The following GTPBP1 variants were observed in gnomAD, a reference collection of about 807,000 sequenced individuals.
The protein encoded by GTPBP1 is GTP-binding protein 1.
Under a neutral mutation model 62.0 loss-of-function variants are expected in GTPBP1, and 23 were observed. The observed-to-expected ratio is 0.37, with a 90% confidence interval of 0.27 to 0.53. The LOEUF is 0.53. Among genes scored for constraint, GTPBP1 ranks in the 20% least tolerant of loss-of-function variants. The pLI is 0.89. For synonymous variants in GTPBP1, 344 were observed against 364.4 expected, an observed-to-expected ratio of 0.94 and a Z score of 0.64; for missense variants, 640 against 917.3, an observed-to-expected ratio of 0.70 and a Z score of 3.90.
chr22:38,737,263 G>A (rs1299892456), downstream of GTPBP1, among the ~76,000 whole-genome samples: 2 of 152,056 alleles, frequency 1.3e-5, no homozygotes, highest in African/African-American at 4.8e-5. This position sits in a 1 kb window ranked among gnomAD's most constrained non-coding sequence, Gnocchi z 4.1. Flanking sequence ...CTGTTCCATA[G>A]GTGCCTCAGA....
downstream of GTPBP1, chr22:38,736,379 G>A (rs1333014577): frequency 6.2e-7 from 1 of 1,611,904 alleles, no homozygotes; most frequent in East Asian, 2.2e-5. Flanking sequence ...CATCGTAGGG[G>A]CCTGGGTAGA....
chr22:38,718,047 G>C (rs1404992283), intron 4 of GTPBP1, among the ~76,000 whole-genome samples: 1 of 152,222 alleles, frequency 6.6e-6, no homozygotes, highest in Non-Finnish European at 1.5e-5. Context: ...CCCTAAACTG[G>C]AGAGCAGTAA....
Position 38,732,108 on chromosome 22 carries a change from C to G in GTPBP1, c.*1404C>G, listed in dbSNP as rs529804405. 6.5e-6 allele frequency: 1 copy of G among 153,172 alleles called. No homozygotes were observed. The highest frequency in any genetic ancestry group is 2.4e-5 in the African/African-American group (1 of 41,410). 9.5% of individuals were successfully genotyped at this position (153,172 alleles called of 1,614,324 possible). The stretch of plus-strand genomic sequence containing the variant: ...AGCCTTGCCTCCTCCTGTCCCCAAC[C>G]CTTTCCTTTCCTCCTGCTTGCGGAC... On this transcript the variant is annotated 3_prime_UTR_variant, in exon 12 of 12. Coordinates refer to ENST00000216044, the MANE Select transcript of GTPBP1 (RefSeq NM_004286.5).
chr22:38,736,178 G>T, downstream of GTPBP1: 1 of 1,262,668 alleles, frequency 7.9e-7, no homozygotes, highest in Non-Finnish European at 1.2e-6. Flanking sequence ...GCTCCTAGAA[G>T]TCAGAGCGCC....
At chr22:38,735,978 C>T, downstream of GTPBP1, 1 of 321,588 alleles carries the variant, frequency 3.1e-6, no homozygotes, top group Non-Finnish European at 6.3e-6. Context: ...GGTCCTACCT[C>T]TCCCAACTTC....
chr22:38,725,719 C>G (rs940644598), intron 6 of GTPBP1: 4 of 396,320 alleles, frequency 1.0e-5, no homozygotes, highest in Non-Finnish European at 1.8e-5. Context: ...TAGGAAGAAG[C>G]AGTCATGAGG....
downstream of GTPBP1, chr22:38,740,520 C>T (rs1326835990): frequency 1.5e-6 from 2 of 1,365,084 alleles, no homozygotes; most frequent in Non-Finnish European, 1.9e-6. This position sits in a 1 kb window ranked among gnomAD's most constrained non-coding sequence, Gnocchi z 4.8. Flanking sequence ...CCCTAGTGGG[C>T]TCCCGTCAGG....
At chr22:38,739,128 C>A, downstream of GTPBP1, 1 of 967,286 alleles carries the variant, frequency 1.0e-6, no homozygotes, top group Non-Finnish European at 1.6e-6. This position sits in a 1 kb window ranked among gnomAD's most constrained non-coding sequence, Gnocchi z 6.7. Flanking sequence ...CTCAGAGCAG[C>A]TTTAAAGGTC....
chr22:38,722,848 C>T (rs748681501), intron 5 of GTPBP1: 527 of 1,524,716 alleles, frequency 3.5e-4, no homozygotes, highest in Non-Finnish European at 4.6e-4. Context: ...TGGGTTTCTA[C>T]ATACTGGAAC....
chr22:38,740,364 C>T (rs938909577), downstream of GTPBP1: 3 of 1,578,908 alleles, frequency 1.9e-6, no homozygotes, highest in African/African-American at 4.0e-5. The surrounding 1 kb of genome is among the most constrained non-coding windows in gnomAD (Gnocchi z 4.8). Flanking sequence ...CTGCTGCAGG[C>T]CGGCCAGCTG....
At chr22:38,725,982 C>G in intron 6 of GTPBP1, 24 bp from the exon 7 acceptor site, 5 of 1,605,222 alleles carry the variant, frequency 3.1e-6, no homozygotes, top group African/African-American at 2.7e-5. Context: ...CTCCTTTTTT[C>G]CTTCCTCTTC....
intron 2 of GTPBP1, among the ~76,000 whole-genome samples, chr22:38,715,531 T>A (rs1475446139): frequency 1.3e-5 from 2 of 152,170 alleles, no homozygotes; most frequent in Non-Finnish European, 2.9e-5. Flanking sequence ...CTTCACACAG[T>A]CCTAGAGTGC....
At chr22:38,737,881 C>G, downstream of GTPBP1, 1 of 618,136 alleles carries the variant, frequency 1.6e-6, no homozygotes, top group Admixed American at 2.1e-5. The surrounding 1 kb of genome is among the most constrained non-coding windows in gnomAD (Gnocchi z 4.1). Flanking sequence ...TCGAACGCCT[C>G]TCCCGGCCTT....
intron 4 of GTPBP1, among the ~76,000 whole-genome samples, chr22:38,719,092 G>A (rs947549849): frequency 3.9e-5 from 6 of 151,946 alleles, no homozygotes; most frequent in South Asian, 2.1e-4. Context: ...TTCAGCCTCC[G>A]CCTCTTGGGT....
At chr22:38,720,542 C>G (rs1372149135) in intron 4 of GTPBP1, among the ~76,000 whole-genome samples, 3 of 152,076 alleles carry the variant, frequency 2.0e-5, no homozygotes, top group Non-Finnish European at 2.9e-5. Flanking sequence ...ACACTCACCT[C>G]TTTTTATGAT....
At chr22:38,737,912 C>T, downstream of GTPBP1, 1 of 661,568 alleles carries the variant, frequency 1.5e-6, no homozygotes, top group South Asian at 1.5e-5. This position sits in a 1 kb window ranked among gnomAD's most constrained non-coding sequence, Gnocchi z 4.1. Context: ...CCACCCAACC[C>T]CTCTTGTGTA....
At chr22:38,739,209 G>T (rs2092833354), downstream of GTPBP1, 8 of 1,070,598 alleles carry the variant, frequency 7.5e-6, no homozygotes, top group Admixed American at 1.9e-5. This position sits in a 1 kb window ranked among gnomAD's most constrained non-coding sequence, Gnocchi z 6.7. Context: ...CCTTTGTCAT[G>T]GGTACTAGGT....
At chr22:38,715,271 G>A (rs192081328) in intron 2 of GTPBP1, among the ~76,000 whole-genome samples, 12 of 152,174 alleles carry the variant, frequency 7.9e-5, no homozygotes, top group Non-Finnish European at 1.3e-4. Flanking sequence ...AAGGTGTGTC[G>A]CTGCTGTCCG....
At chr22:38,740,716 A>T, downstream of GTPBP1, 5 of 584,178 alleles carry the variant, frequency 8.6e-6, no homozygotes, top group Non-Finnish European at 1.5e-5. The surrounding 1 kb of genome is among the most constrained non-coding windows in gnomAD (Gnocchi z 4.8). Context: ...CATCTGGGGC[A>T]TGAGAAGGCA....
Sources: gnomAD v4.1 joint callset for allele counts (sites outside exome capture counted in the v4.1 genomes callset) on GRCh38, gnomAD v4.1.1 for gene constraint, Gnocchi (gnomAD v3.1) non-coding constraint, MANE v1.5 for transcripts, NCBI Gene and HGNC (gene_info 2026-07-23, HGNC 2026-07-21) for gene names.